C2CD2: variants seen among roughly 807,000 people sequenced by gnomAD.
C2CD2 encodes the protein C2 calcium dependent domain containing 2, also known as C2 domain-containing protein 2.
C2CD2 carries 43 observed loss-of-function variants against 74.3 expected under a neutral mutation model. That is an observed-to-expected ratio of 0.58 (90% confidence interval 0.45 to 0.75). C2CD2 has a LOEUF of 0.75. C2CD2 is among the 30% of genes least tolerant of loss of function. C2CD2 has a pLI of 0.00. For missense variants in C2CD2, 801 were observed against 916.3 expected, an observed-to-expected ratio of 0.87 and a Z score of 1.63; for synonymous variants, 422 against 390.7, an observed-to-expected ratio of 1.08 and a Z score of -0.94.
rs986116428 is a variant in C2CD2, at chr21:41,887,995, C to A, written c.*1129G>T. ...ATATTAGGGATATTCAAATGGTGTG[C>A]CAGGTTTGTGATGTTTTCCACCAAA... On this transcript the variant is annotated 3_prime_UTR_variant, in exon 14 of 14. Transcript: ENST00000380486. 6.6e-6 allele frequency: 1 copy of A among 152,480 alleles called. No individual in the cohort carries two copies. The highest frequency in any genetic ancestry group is 2.4e-5 in the African/African-American group (1 of 41,428). The allele number at this position is 152,480 out of a possible 1,614,324, so 9.4% of individuals were successfully genotyped here. A position where few individuals can be genotyped will look rare whatever the true frequency, so the allele number is the denominator to read the frequency against.
chr21:41,896,174 G>A (rs1355170406), intron 13 of C2CD2, among the ~76,000 whole-genome samples: 1 of 152,222 alleles, frequency 6.6e-6, no homozygotes, highest in Non-Finnish European at 1.5e-5. Flanking sequence ...ACGTCTACGT[G>A]TAATTGAGAA....
intron 2 of C2CD2, 100 bp downstream of exon 2, chr21:41,942,047 T>TG: frequency 6.9e-7 from 1 of 1,454,160 alleles, no homozygotes; most frequent in Non-Finnish European, 9.2e-7. Context: ...TTTTTCCTAG[T>TG]GTAAGGGTTC....
At chr21:41,912,680 G>A (rs923820855) in intron 6 of C2CD2, among the ~76,000 whole-genome samples, 9 of 151,996 alleles carry the variant, frequency 5.9e-5, no homozygotes, top group Non-Finnish European at 1.3e-4. Context: ...TAGTAGAGAC[G>A]GGGTTTCACC....
rs1342676167 is a variant in C2CD2 at position 41,953,466 on chromosome 21, G to A, written c.183C>T (p.Asp61=). Residue 61 remains aspartate (D), a synonymous_variant, in exon 1 of 14, where the codon GAC becomes GAT. Coordinates refer to ENST00000380486, the MANE Select transcript of C2CD2 (RefSeq NM_015500.2). ...EPGEGPRPGS[D]ALLSWILTLG... The stretch of plus-strand genomic sequence containing the variant: ...GCGTCAGGATCCAGGAGAGCAGCGC[G>A]TCGGACCCCGGGCGCGGCCCCTCTC... The A allele has an allele frequency of 6.7e-7, 1 of 1,486,760 alleles. No homozygotes were observed. Among genetic ancestry groups the A allele is most frequent in the Admixed American group, 2.2e-5 (1 of 45,088 alleles). 92.1% of individuals were successfully genotyped at this position (1,486,760 alleles called of 1,614,324 possible).
chr21:41,925,928 G>A (rs2065206255), intron 2 of C2CD2, among the ~76,000 whole-genome samples: 2 of 152,222 alleles, frequency 1.3e-5, no homozygotes, highest in Admixed American at 6.5e-5. Context: ...GGTCATGAGA[G>A]CCTCTTCTTA....
At position 41,926,132 on chromosome 21, in the gene C2CD2, A is replaced by G. The variant is rs187089455; in HGVS notation, c.379-4047T>C. 3.2e-3 allele frequency among the ~76,000 whole-genome samples: 494 copies of G among 152,254 alleles called. 3 individuals carry two copies. The highest frequency in any genetic ancestry group is 0.011 in the African/African-American group (458 of 41,532). On this transcript the variant is annotated intron_variant, in intron 2 of 13. Transcript: ENST00000380486. The surrounding 1 kb of genome is among the most constrained non-coding windows in gnomAD (Gnocchi z 8.0). ...AGTGAACCCCCAGCCCCAGGGAAGA[A>G]CTCCACAGAGCCCAGGTCTGCATCT... is the stretch of plus-strand genomic sequence containing the variant.
At chr21:41,911,695 C>CTT (rs575443853) in intron 7 of C2CD2, among the ~76,000 whole-genome samples, 6 of 143,266 alleles carry the variant, frequency 4.2e-5, no homozygotes, top group Admixed American at 1.4e-4. Flanking sequence ...GACTTTCTTT[C>CTT]TTTTTTTTTT....
intron 7 of C2CD2, among the ~76,000 whole-genome samples, chr21:41,911,859 C>T (rs1435791963): frequency 1.3e-5 from 2 of 152,062 alleles, no homozygotes; most frequent in Admixed American, 6.6e-5. Flanking sequence ...CCACCATGCC[C>T]GGTTAAATTT....
intron 13 of C2CD2, among the ~76,000 whole-genome samples, chr21:41,897,538 A>G (rs574016280): frequency 6.6e-6 from 1 of 152,298 alleles, no homozygotes; most frequent in Non-Finnish European, 1.5e-5. Context: ...TACAGCCCTC[A>G]AGTGCTCTGT....
At chr21:41,931,087 T>C (rs1782759462) in intron 2 of C2CD2, among the ~76,000 whole-genome samples, 1 of 150,594 alleles carries the variant, frequency 6.6e-6, no homozygotes, top group Non-Finnish European at 1.5e-5. Flanking sequence ...AATTGAAGTC[T>C]AGGAGAAATA....
At chr21:41,897,561 A>G (rs1192561367) in intron 13 of C2CD2, among the ~76,000 whole-genome samples, 1 of 152,202 alleles carries the variant, frequency 6.6e-6, no homozygotes, top group East Asian at 1.9e-4. Flanking sequence ...AGGGGGGTCC[A>G]TGCATCAAGC....
At position 41,899,742 on chromosome 21, in the gene C2CD2, C is replaced by A. The variant is rs907270959; in HGVS notation, c.1561-380G>T. 6.6e-6 allele frequency among the ~76,000 whole-genome samples: 1 copy of A among 152,126 alleles called. No individual in the cohort carries two copies. Among genetic ancestry groups the A allele is most frequent in the African/African-American group, 2.4e-5 (1 of 41,432 alleles). ...ACAAAGGAAATGGCCGTGGGTGTTTCGGGTTTAGCTGTCTTTGTTCCTACA... is the reference window on the plus strand; with the variant it reads ...ACAAAGGAAATGGCCGTGGGTGTTTAGGGTTTAGCTGTCTTTGTTCCTACA... On this transcript the variant is annotated intron_variant, in intron 12 of 13. Coordinates refer to ENST00000380486, the MANE Select transcript of C2CD2 (RefSeq NM_015500.2). This position sits in a 1 kb window ranked among gnomAD's most constrained non-coding sequence, Gnocchi z 4.4.
intron 2 of C2CD2, among the ~76,000 whole-genome samples, chr21:41,930,119 G>A (rs1399762218): frequency 6.7e-6 from 1 of 150,332 alleles, no homozygotes; most frequent in Admixed American, 6.7e-5. Context: ...TGTAACAGCC[G>A]AAACTCTTCC....
At chr21:41,934,911 G>A (rs146360007) in intron 2 of C2CD2, among the ~76,000 whole-genome samples, 11 of 150,942 alleles carry the variant, frequency 7.3e-5, no homozygotes, top group South Asian at 6.3e-4. Context: ...TGTTTTTCCC[G>A]AGTAGAGTCT....
At chr21:41,935,747 G>A (rs1192138338) in intron 2 of C2CD2, among the ~76,000 whole-genome samples, 1 of 152,090 alleles carries the variant, frequency 6.6e-6, no homozygotes, top group Non-Finnish European at 1.5e-5. Flanking sequence ...AGCTACTCGG[G>A]AGGCTGAGGC....
chr21:41,951,325 A>T (rs2065448845), intron 1 of C2CD2, among the ~76,000 whole-genome samples: 1 of 152,214 alleles, frequency 6.6e-6, no homozygotes, highest in Admixed American at 6.5e-5. Context: ...TGCAAATCAA[A>T]TGACATTCCC....
At chr21:41,951,225 C>A (rs1369170754) in intron 1 of C2CD2, among the ~76,000 whole-genome samples, 1 of 152,150 alleles carries the variant, frequency 6.6e-6, no homozygotes, top group Non-Finnish European at 1.5e-5. Flanking sequence ...ACGGCAGCGA[C>A]GGCTCAGGAT....
Position 41,921,966 on chromosome 21 carries a change from C to T in C2CD2, c.492+6G>A. Reference sequence around the variant, plus strand: ...CTCATAACTTGCAAAGTCTACACATCTTTACCTGTAAATGGAAAGGGGAGA... The same window carrying T: ...CTCATAACTTGCAAAGTCTACACATTTTTACCTGTAAATGGAAAGGGGAGA... On this transcript the variant is annotated splice_donor_region_variant and intron_variant, in intron 3 of 13. Transcript: ENST00000380486. The T allele has an allele frequency of 6.3e-7, 1 of 1,593,474 alleles. No individual in the cohort carries two copies. Among genetic ancestry groups the T allele is most frequent in the Non-Finnish European group, 8.6e-7 (1 of 1,161,306 alleles).
chr21:41,926,331 G>C lies in C2CD2; in HGVS notation c.379-4246C>G. On this transcript the variant is annotated intron_variant, in intron 2 of 13. Transcript: ENST00000380486. This position sits in a 1 kb window ranked among gnomAD's most constrained non-coding sequence, Gnocchi z 8.0. Reference sequence around the variant, plus strand: ...GCTTCCTCTCTGTATAAGTGACAGAGTGTTTTTCGGAGTGGGGGGCTATTC... The same window carrying C: ...GCTTCCTCTCTGTATAAGTGACAGACTGTTTTTCGGAGTGGGGGGCTATTC... The C allele has an allele frequency of 3.0e-6, 1 of 330,796 alleles. No homozygotes were observed. Among genetic ancestry groups the C allele is most frequent in the Non-Finnish European group, 4.3e-6 (1 of 231,224 alleles). The allele number at this position is 330,796 out of a possible 1,614,324, so 20.5% of individuals were successfully genotyped here. A position where few individuals can be genotyped will look rare whatever the true frequency, so the allele number is the denominator to read the frequency against.
Sources: gnomAD v4.1 joint callset for allele counts (sites outside exome capture counted in the v4.1 genomes callset) on GRCh38, gnomAD v4.1.1 for gene constraint, Gnocchi (gnomAD v3.1) non-coding constraint, MANE v1.5 for transcripts, NCBI Gene and HGNC (gene_info 2026-07-23, HGNC 2026-07-21) for gene names.